Variants in ADGRV1 observed in about 807,000 individuals in gnomAD.
ADGRV1 encodes adhesion G protein-coupled receptor V1, also known as G-protein coupled receptor 98.
In ADGRV1, 359 loss-of-function variants were observed where a neutral mutation model predicts 596.2. The ratio of observed to expected loss-of-function variants is 0.60; its 90% CI spans 0.55 to 0.66. The LOEUF is 0.66. ADGRV1 is among the 30% of genes least tolerant of loss of function. The pLI, the probability that ADGRV1 is intolerant of heterozygous loss-of-function variation, is 0.00. For synonymous variants in ADGRV1, 2,681 were observed against 2,679.2 expected (o/e 1.00, Z -0.02); for missense variants, 7,274 against 7,575.6 (o/e 0.96, Z 1.48).
At position 90,848,830 on chromosome 5, in the gene ADGRV1, C is replaced by G; in HGVS notation, c.17204+9C>G. 1 of 1,567,302 alleles carries G rather than the reference C, an allele frequency of 6.4e-7. No individual in the cohort carries two copies. Among genetic ancestry groups the G allele is most frequent in the Non-Finnish European group, 8.6e-7 (1 of 1,160,988 alleles). On this transcript the variant is annotated intron_variant, in intron 79 of 89. Coordinates refer to ENST00000405460, the MANE Select transcript of ADGRV1 (RefSeq NM_032119.4). ...GGCTCTCCTGGTGAAAAGTAAGTAT[C>G]TTTTAATATATTAGCAGTACCTTTT...
chr5:90,815,759 G>T (rs1471750037), intron 75 of ADGRV1, 23 bp downstream of exon 75: 2 of 1,192,706 alleles, frequency 1.7e-6, no homozygotes, highest in African/African-American at 3.0e-5. Flanking sequence ...ATAGTATATG[G>T]AAGACGTAAC....
chr5:90,715,321 T>C (rs751791850), intron 42 of ADGRV1, among the ~76,000 whole-genome samples: 17 of 152,216 alleles, frequency 1.1e-4, no homozygotes, highest in Non-Finnish European at 1.6e-4. Flanking sequence ...CTGGGTTGAA[T>C]GAAGCTTAGG....
intron 86 of ADGRV1, among the ~76,000 whole-genome samples, chr5:91,079,317 C>T (rs1163128913): frequency 1.3e-5 from 2 of 152,080 alleles, no homozygotes; most frequent in East Asian, 3.9e-4. Context: ...GTTCACTCTT[C>T]CCACATTTTG....
Position 90,807,715 on chromosome 5 carries a change from G to T in ADGRV1, c.14950G>T (p.Ala4984Ser), listed in dbSNP as rs776990064. 37 of 1,565,412 alleles carry T rather than the reference G, an allele frequency of 2.4e-5. No individual in the cohort carries two copies. In the Admixed American group the frequency reaches 2.5e-4, roughly 11 times the overall value. The change falls in exon 73 of 90, where the codon GCT becomes TCT. Residue 4984 changes from alanine (A) to serine (S), a missense_variant. Coordinates refer to ENST00000405460, the MANE Select transcript of ADGRV1 (RefSeq NM_032119.4). ...VLHLSGVQSS[A>S]PGGAQLRSGF... ...TCACCTATCAGGAGTGCAGAGCAGT[G>T]CTCCTGGCGGAGCTCAACTCCGGTA... is the stretch of plus-strand genomic sequence containing the variant.
chr5:91,055,570 T>G (rs10065773), intron 85 of ADGRV1, among the ~76,000 whole-genome samples: 1 of 152,170 alleles, frequency 6.6e-6, no homozygotes, highest in East Asian at 1.9e-4. Context: ...CTTTCACCCA[T>G]AGTCACAAAG....
At chr5:90,649,419 A>T (rs1768275623) in intron 17 of ADGRV1, among the ~76,000 whole-genome samples, 2 of 152,194 alleles carry the variant, frequency 1.3e-5, no homozygotes, top group African/African-American at 4.8e-5. Flanking sequence ...TTAGGAAAAA[A>T]ACGCCAATAT....
At chr5:90,582,750 T>C (rs773905058) in intron 1 of ADGRV1, among the ~76,000 whole-genome samples, 87 of 152,248 alleles carry the variant, frequency 5.7e-4, no homozygotes, top group Non-Finnish European at 1.0e-3. Context: ...CAAAACATTA[T>C]TGTAAGATAT....
chr5:90,696,896 A>C (rs763915414), intron 33 of ADGRV1, 41 bp from the exon 34 acceptor site: 3 of 1,486,330 alleles, frequency 2.0e-6, no homozygotes, highest in Non-Finnish European at 1.9e-6. Context: ...TGTGTTGGTG[A>C]TTTTGTTACT....
chr5:90,632,209 T>C (rs981286616), intron 9 of ADGRV1, among the ~76,000 whole-genome samples: 29 of 152,158 alleles, frequency 1.9e-4, no homozygotes, highest in African/African-American at 9.7e-5. Flanking sequence ...CTACAACTCA[T>C]GCAAGAACCA....
chr5:90,941,333 T>G (rs1375815670), intron 83 of ADGRV1, among the ~76,000 whole-genome samples: 1 of 152,184 alleles, frequency 6.6e-6, no homozygotes, highest in Non-Finnish European at 1.5e-5. Flanking sequence ...GCAGTCAAAT[T>G]GATTAACATT....
In ADGRV1 at chr5:91,160,165, T is replaced by G. The variant is rs192094318; in HGVS notation, c.18803-3617T>G. Among the ~76,000 whole-genome samples, 810 of 152,300 alleles carry G rather than the reference T, an allele frequency of 5.3e-3. 6 individuals are homozygous for G. Among genetic ancestry groups the G allele is most frequent in the Non-Finnish European group, 8.6e-3 (586 of 68,020 alleles). On this transcript the variant is annotated intron_variant, in intron 89 of 89. Transcript: ENST00000405460. ...TAGAAGAAAATAGATGACAAGTCCT[T>G]GAACACAAATGAAAACATTCAGAAT...
intron 34 of ADGRV1, among the ~76,000 whole-genome samples, chr5:90,702,560 A>C (rs1244030785): frequency 6.6e-6 from 1 of 151,974 alleles, no homozygotes; most frequent in East Asian, 1.9e-4. Context: ...AAATCTTCCT[A>C]TAAGAAATAT....
At position 90,815,684 on chromosome 5, in the gene ADGRV1, GA is replaced by G; in HGVS notation, c.16146del (p.Gly5383GlufsTer4). On this transcript the variant is annotated frameshift_variant, in exon 75 of 90. Coordinates refer to ENST00000405460, the MANE Select transcript of ADGRV1 (RefSeq NM_032119.4). LOFTEE classifies it high-confidence loss of function. The stretch of plus-strand genomic sequence containing the variant: ...GTCCCAGAGTGGACTAGAACTCAGG[GA>G]AGGAGCTGTTATGAGAAGATTGCAC... ...EESQSGLELR[E>X]GAVMRRLHLI... 1 of 1,578,774 alleles carries G rather than the reference GA, an allele frequency of 6.3e-7. No homozygotes were observed. The highest frequency in any genetic ancestry group is 8.6e-7 in the Non-Finnish European group (1 of 1,161,276).
chr5:90,675,642 G>GA (rs1445484284), intron 24 of ADGRV1, among the ~76,000 whole-genome samples, 197 bp downstream of exon 24: 1 of 151,896 alleles, frequency 6.6e-6, no homozygotes, highest in Non-Finnish European at 1.5e-5. Context: ...TACAAAAAAA[G>GA]AAAAAACAGA....
chr5:91,045,008 G>A (rs1182124790), intron 85 of ADGRV1, among the ~76,000 whole-genome samples: 1 of 152,096 alleles, frequency 6.6e-6, no homozygotes, highest in Non-Finnish European at 1.5e-5. Context: ...ATTAAAGGAT[G>A]AAAAGCATTT....
chr5:90,585,467 G>GGGTT lies in ADGRV1; in HGVS notation c.22+26552_22+26555dup, dbSNP rs1218732521. On this transcript the variant is annotated intron_variant, in intron 1 of 89. Coordinates refer to ENST00000405460, the MANE Select transcript of ADGRV1 (RefSeq NM_032119.4). ...TTACTGAGGGAATTAAGGAGGCCTA[G>GGGTT]GGTTGTAGGATGGAGGGCGGAGTCT... 6.6e-5 allele frequency among the ~76,000 whole-genome samples: 10 copies of GGGTT among 152,292 alleles called. No homozygotes were observed. The East Asian group carries it at 1.9e-3, about 29-fold the overall frequency.
chr5:90,973,124 C>A (rs1430699634), intron 84 of ADGRV1, among the ~76,000 whole-genome samples: 1 of 152,146 alleles, frequency 6.6e-6, no homozygotes, highest in African/African-American at 2.4e-5. Context: ...AATTCCTGGA[C>A]ACATACCCCC....
chr5:90,594,641 G>C (rs1419740239), intron 1 of ADGRV1, among the ~76,000 whole-genome samples: 1 of 148,700 alleles, frequency 6.7e-6, no homozygotes. Flanking sequence ...GCCTTCCACA[G>C]CGTTTGTGTC....
At chr5:90,590,349 A>G (rs1759322529) in intron 1 of ADGRV1, among the ~76,000 whole-genome samples, 1 of 152,154 alleles carries the variant, frequency 6.6e-6, no homozygotes, top group African/African-American at 2.4e-5. Flanking sequence ...TTACTGCTTA[A>G]TCATTCATGT....
Sources: allele counts gnomAD v4.1 joint callset (sites outside exome capture counted in the v4.1 genomes callset), GRCh38; gene constraint gnomAD v4.1.1; transcripts MANE v1.5; gene names NCBI Gene and HGNC (gene_info 2026-07-23, HGNC 2026-07-21).